SOS1: variants seen among roughly 807,000 people sequenced by gnomAD.
SOS1 encodes the protein son of sevenless homolog 1.
Under a neutral mutation model 157.6 loss-of-function variants are expected in SOS1, and 25 were observed. The observed-to-expected ratio is 0.16, with a 90% CI of 0.12 to 0.22. The LOEUF (loss-of-function observed/expected upper bound fraction) is 0.22, where lower values mean the gene tolerates loss of function less well. Ranked by LOEUF, SOS1 falls within the 10% of genes least tolerant of loss-of-function variation. The probability of loss-of-function intolerance (pLI) is 1.00; values close to 1 mark genes in which losing one functional copy is unlikely to be tolerated. For synonymous variants in SOS1, 528 were observed against 534.0 expected (o/e 0.99, Z 0.16); for missense variants, 1,237 against 1,599.1 (o/e 0.77, Z 3.86).
intron 6 of SOS1, among the ~76,000 whole-genome samples, chr2:39,046,678 T>C (rs924971309): frequency 6.6e-6 from 1 of 152,026 alleles, no homozygotes; most frequent in Non-Finnish European, 1.5e-5. Context: ...GTAATTTTGG[T>C]GTTTTGTAGA....
At chr2:39,114,426 C>A (rs1164928022) in intron 1 of SOS1, among the ~76,000 whole-genome samples, 1 of 152,080 alleles carries the variant, frequency 6.6e-6, no homozygotes, top group African/African-American at 2.4e-5. Flanking sequence ...GCCTCAGCCT[C>A]CTGAGTAGCT....
intron 1 of SOS1, among the ~76,000 whole-genome samples, chr2:39,076,678 A>G (rs1404122543): frequency 6.6e-6 from 1 of 152,226 alleles, no homozygotes; most frequent in East Asian, 1.9e-4. Flanking sequence ...AGTGTACAAC[A>G]AAAATCATAA....
At chr2:39,001,582 C>A (rs1558462869) in intron 17 of SOS1, among the ~76,000 whole-genome samples, 1 of 152,116 alleles carries the variant, frequency 6.6e-6, no homozygotes, top group Non-Finnish European at 1.5e-5. Context: ...TGACCCTCCC[C>A]CAAAGAAGGG....
In SOS1 at chr2:39,016,213, G is replaced by C. The variant is rs1271716076; in HGVS notation, c.1859-1367C>G. Among the ~76,000 whole-genome samples, 4 of 151,928 alleles carry C rather than the reference G, an allele frequency of 2.6e-5. No individual in the cohort carries two copies. The East Asian group carries it at 5.8e-4, about 22-fold the overall frequency. On this transcript the variant is annotated intron_variant, in intron 10 of 22. Transcript: ENST00000402219. ...GAGATAATAACTGATTTAAATATCA[G>C]ACAACCTTGAATTCAAAATACTATT...
Position 39,086,715 on chromosome 2 carries a change from C to T in SOS1, c.88-18962G>A, listed in dbSNP as rs1049235189. On this transcript the variant is annotated intron_variant, in intron 1 of 22. Coordinates refer to ENST00000402219, the MANE Select transcript of SOS1 (RefSeq NM_005633.4). ...CCCACATCTTTCTACTTTACTAAAA[C>T]ATGGCTGGATGTTCTAGGAAAGGAA... is the stretch of plus-strand genomic sequence containing the variant. Among the ~76,000 whole-genome samples, 3 of 152,310 alleles carry T rather than the reference C, an allele frequency of 2.0e-5. No homozygotes were observed. In the East Asian group the frequency reaches 5.8e-4, roughly 29 times the overall value.
chr2:39,035,631 T>A (rs1487371618), intron 6 of SOS1, 131 bp from the exon 7 acceptor site: 1 of 676,408 alleles, frequency 1.5e-6, no homozygotes, highest in African/African-American at 1.8e-5. Context: ...ATTATATGAC[T>A]ACTAATTATA....
At chr2:39,036,275 G>A (rs1445699608) in intron 6 of SOS1, among the ~76,000 whole-genome samples, 1 of 152,128 alleles carries the variant, frequency 6.6e-6, no homozygotes, top group Non-Finnish European at 1.5e-5. Context: ...GAGGAGCATA[G>A]TAGAAAAAGG....
At chr2:39,055,336 A>C (rs1671176510) in intron 4 of SOS1, among the ~76,000 whole-genome samples, 1 of 152,108 alleles carries the variant, frequency 6.6e-6, no homozygotes, top group Admixed American at 6.5e-5. Flanking sequence ...ACAGCATCAT[A>C]TCTCTATAAC....
At chr2:39,069,524 G>A (rs534087153) in intron 1 of SOS1, among the ~76,000 whole-genome samples, 1 of 152,092 alleles carries the variant, frequency 6.6e-6, no homozygotes, top group Non-Finnish European at 1.5e-5. Context: ...ACTACACAGA[G>A]TATGAGCTTT....
At chr2:39,091,803 T>C (rs1672609030) in intron 1 of SOS1, among the ~76,000 whole-genome samples, 1 of 152,176 alleles carries the variant, frequency 6.6e-6, no homozygotes, top group African/African-American at 2.4e-5. Context: ...ATCTGACCTC[T>C]TGGCAGTATG....
At chr2:39,095,999 C>A (rs774056738) in intron 1 of SOS1, among the ~76,000 whole-genome samples, 2 of 152,126 alleles carry the variant, frequency 1.3e-5, no homozygotes, top group Non-Finnish European at 1.5e-5. Context: ...TTTGGCTACC[C>A]AAATTCCTCC....
At chr2:39,001,373 AT>A (rs537313693) in intron 17 of SOS1, among the ~76,000 whole-genome samples, 54 of 152,256 alleles carry the variant, frequency 3.5e-4, no homozygotes, top group African/African-American at 1.2e-3. Flanking sequence ...GAAAAAATTC[AT>A]TTCTTAGCCC....
chr2:39,106,015 G>C (rs1673163178), intron 1 of SOS1, among the ~76,000 whole-genome samples: 1 of 152,032 alleles, frequency 6.6e-6, no homozygotes, highest in South Asian at 2.1e-4. Context: ...TCAAGAGTTT[G>C]AGACCAGCCT....
In SOS1 at chr2:39,013,757, T is replaced by G; in HGVS notation, c.2063+110A>C. 8.0e-6 allele frequency: 8 copies of G among 997,642 alleles called. No individual in the cohort carries two copies. In the South Asian group the frequency reaches 1.1e-4, roughly 14 times the overall value. 61.8% of individuals were successfully genotyped at this position (997,642 alleles called of 1,614,324 possible). A position where few individuals can be genotyped will look rare whatever the true frequency, so the allele number is the denominator to read the frequency against. The stretch of plus-strand genomic sequence containing the variant: ...ACTGCTCTAATTAGTAAATTTAATT[T>G]ACTAATTTTATTGTCACCCCTCTCC... On this transcript the variant is annotated intron_variant, in intron 12 of 22. Coordinates refer to ENST00000402219, the MANE Select transcript of SOS1 (RefSeq NM_005633.4).
In SOS1 at chr2:38,982,735, GACAA is replaced by G. The variant is rs1195054765; in HGVS notation, c.*3085_*3088del. 1 of 152,016 alleles carries G rather than the reference GACAA, an allele frequency of 6.6e-6. No individual in the cohort carries two copies. Among genetic ancestry groups the G allele is most frequent in the African/African-American group, 2.4e-5 (1 of 41,398 alleles). 9.4% of individuals were successfully genotyped at this position (152,016 alleles called of 1,614,324 possible). A position where few individuals can be genotyped will look rare whatever the true frequency, so the allele number is the denominator to read the frequency against. On this transcript the variant is annotated 3_prime_UTR_variant, in exon 23 of 23. Coordinates refer to ENST00000402219, the MANE Select transcript of SOS1 (RefSeq NM_005633.4). ...CTGAATTTAAGCTGTCATATTAGAA[GACAA>G]ACAATGAAATACAAGATTAAGCTAA... is the stretch of plus-strand genomic sequence containing the variant.
intron 1 of SOS1, among the ~76,000 whole-genome samples, chr2:39,091,459 T>C (rs72906463): frequency 5.3e-4 from 81 of 152,278 alleles, no homozygotes; most frequent in African/African-American, 1.8e-3. Context: ...AATAATCGTC[T>C]ATAAGCCCCT....
intron 1 of SOS1, among the ~76,000 whole-genome samples, chr2:39,077,408 A>G (rs1421186089): frequency 1.3e-5 from 2 of 152,194 alleles, no homozygotes; most frequent in Non-Finnish European, 2.9e-5. Flanking sequence ...AATAGTATTA[A>G]GGAAGTACCA....
At chr2:39,075,450 C>G (rs1671936512) in intron 1 of SOS1, among the ~76,000 whole-genome samples, 1 of 151,844 alleles carries the variant, frequency 6.6e-6, no homozygotes, top group Non-Finnish European at 1.5e-5. Context: ...TTTTTTCAGC[C>G]TTTTTTTCTC....
intron 6 of SOS1, among the ~76,000 whole-genome samples, chr2:39,049,170 G>A (rs764889661): frequency 4.6e-5 from 7 of 151,494 alleles, no homozygotes; most frequent in African/African-American, 7.3e-5. Flanking sequence ...TGCCCGCTTC[G>A]GCCTCCCAAA....
Sources: gnomAD v4.1 joint callset for allele counts (sites outside exome capture counted in the v4.1 genomes callset) on GRCh38, gnomAD v4.1.1 for gene constraint, MANE v1.5 for transcripts, NCBI Gene and HGNC (gene_info 2026-07-23, HGNC 2026-07-21) for gene names.